AGTPBP1: variants seen among roughly 807,000 people sequenced by gnomAD.
AGTPBP1 encodes the protein ATP/GTP binding carboxypeptidase 1.
A neutral mutation model predicts 143.9 loss-of-function variants in AGTPBP1; 70 were observed. The ratio of observed to expected loss-of-function variants is 0.49; its 90% CI spans 0.40 to 0.59. The LOEUF (loss-of-function observed/expected upper bound fraction) is 0.59. AGTPBP1 is among the 20% of genes least tolerant of loss of function. AGTPBP1 has a pLI of 0.00. For synonymous variants in AGTPBP1, 463 were observed against 500.2 expected (o/e 0.93, Z 0.99); for missense variants, 1,229 against 1,464.5 (o/e 0.84, Z 2.62).
At chr9:85,590,879 A>G (rs1217583413) in intron 19 of AGTPBP1, among the ~76,000 whole-genome samples, 1 of 152,212 alleles carries the variant, frequency 6.6e-6, no homozygotes, top group Non-Finnish European at 1.5e-5. Context: ...ACACAGAATG[A>G]AGGGCCTGGT....
the AGTPBP1 span, among the ~76,000 whole-genome samples, chr9:85,785,389 T>C: frequency 1.3e-5 from 2 of 152,194 alleles, no homozygotes; most frequent in African/African-American, 4.8e-5. Flanking sequence ...ATACTAAGCA[T>C]GCATCAATAT....
At chr9:85,619,858 A>C (rs1320897502) in intron 15 of AGTPBP1, among the ~76,000 whole-genome samples, 7 of 152,082 alleles carry the variant, frequency 4.6e-5, no homozygotes, top group Non-Finnish European at 8.8e-5. Context: ...TCTGGAGCCT[A>C]CTCGCTAATA....
chr9:85,709,221 A>C (rs1256409482), intron 2 of AGTPBP1, among the ~76,000 whole-genome samples: 1 of 152,192 alleles, frequency 6.6e-6, no homozygotes, highest in Non-Finnish European at 1.5e-5. Context: ...AAAAGAGAAA[A>C]ACTTTGCAAC....
At chr9:85,644,948 C>T (rs950283541) in intron 12 of AGTPBP1, among the ~76,000 whole-genome samples, 2 of 152,056 alleles carry the variant, frequency 1.3e-5, no homozygotes, top group African/African-American at 4.8e-5. Context: ...TAAAGCTCAG[C>T]AGTCTCAAAA....
intron 3 of AGTPBP1, among the ~76,000 whole-genome samples, chr9:85,681,786 G>C (rs1420413980): frequency 9.1e-6 from 1 of 110,016 alleles, no homozygotes; most frequent in Non-Finnish European, 1.7e-5. Flanking sequence ...GTCTCATTCT[G>C]TCGCCCAGGC....
At position 85,633,312 on chromosome 9, in the gene AGTPBP1, A is replaced by G. The variant is rs1231158453; in HGVS notation, c.1365T>C (p.Pro455=). The part of the protein sequence containing the change: ...PFVFEGKVRG[P]IVVPTAGEET... Reference sequence around the variant, plus strand: ...CCTCGCCTGCCGTAGGAACAACAATAGGACCACGTACTTTTCCCTCAAATA... The same window carrying G: ...CCTCGCCTGCCGTAGGAACAACAATGGGACCACGTACTTTTCCCTCAAATA... Residue 455 remains proline (P), a synonymous_variant, in exon 14 of 26, where the codon CCT becomes CCC. Transcript: ENST00000357081. The G allele has an allele frequency of 6.2e-7, 1 of 1,611,624 alleles. No homozygotes were observed. Among genetic ancestry groups the G allele is most frequent in the South Asian group, 1.1e-5 (1 of 90,460 alleles).
At chr9:85,794,341 T>C in the AGTPBP1 span, among the ~76,000 whole-genome samples, 1 of 152,290 alleles carries the variant, frequency 6.6e-6, no homozygotes, top group Non-Finnish European at 1.5e-5. Context: ...TTTTTGTACA[T>C]GGTATGAGTT....
At chr9:85,741,732 G>C in intron 1 of AGTPBP1, 43 bp downstream of exon 1, 1 of 1,281,676 alleles carries the variant, frequency 7.8e-7, no homozygotes, top group Non-Finnish European at 9.9e-7. Flanking sequence ...GGAGAGCAGA[G>C]GGACGGCCGG....
At chr9:85,603,811 C>A (rs73475782) in intron 17 of AGTPBP1, among the ~76,000 whole-genome samples, 3,851 of 152,138 alleles carry the variant, frequency 0.025, 171 homozygotes, top group African/African-American at 0.088. Flanking sequence ...ACTGAAGAGA[C>A]CTTGTGCTTT....
intron 25 of AGTPBP1, among the ~76,000 whole-genome samples, chr9:85,556,120 T>C (rs986134226): frequency 6.6e-6 from 1 of 152,004 alleles, no homozygotes; most frequent in African/African-American, 2.4e-5. Context: ...TGCATATGTA[T>C]CGCTGAACCT....
chr9:85,698,679 CTTTTTTTTTTTTTTTTTT>C (rs34248388), intron 2 of AGTPBP1, among the ~76,000 whole-genome samples: 94 of 76,578 alleles, frequency 1.2e-3, no homozygotes, highest in Non-Finnish European at 1.9e-3. Flanking sequence ...CCACCTAACC[CTTTTTTTTTTTTTTTTTT>C]TTTTTTTTTT....
intron 1 of AGTPBP1, among the ~76,000 whole-genome samples, chr9:85,732,304 T>A (rs1285259992): frequency 7.1e-6 from 1 of 141,802 alleles, no homozygotes; most frequent in Non-Finnish European, 1.5e-5. Context: ...TAGCTCCACC[T>A]CCTGGGTTCC....
intron 2 of AGTPBP1, among the ~76,000 whole-genome samples, chr9:85,694,097 G>A (rs1488861832): frequency 6.6e-6 from 1 of 152,186 alleles, no homozygotes; most frequent in East Asian, 1.9e-4. Context: ...TTAGAGGCTT[G>A]TAGGCCATTT....
intron 14 of AGTPBP1, among the ~76,000 whole-genome samples, chr9:85,627,256 G>A (rs558328863): frequency 1.7e-4 from 26 of 151,972 alleles, no homozygotes; most frequent in Non-Finnish European, 2.5e-4. Flanking sequence ...ATTTATGTGC[G>A]CGCACACACA....
intron 2 of AGTPBP1, among the ~76,000 whole-genome samples, chr9:85,695,199 GGT>G (rs1695284644): frequency 6.6e-6 from 1 of 152,080 alleles, no homozygotes; most frequent in African/African-American, 2.4e-5. Flanking sequence ...TTTCCCCAAT[GGT>G]TACATTTCAC....
rs913646456 is a variant in AGTPBP1 at position 85,570,081 on chromosome 9, A to G, written c.3503+5234T>C. Among the ~76,000 whole-genome samples, 3 of 152,210 alleles carry G rather than the reference A, an allele frequency of 2.0e-5. No individual in the cohort carries two copies. The South Asian group carries it at 6.2e-4, about 32-fold the overall frequency. ...AACTGTGGACAGTAACAAACCCCATATATCTGTTTTTTTCCATATGATAAC... is the reference window on the plus strand; with the variant it reads ...AACTGTGGACAGTAACAAACCCCATGTATCTGTTTTTTTCCATATGATAAC... On this transcript the variant is annotated intron_variant, in intron 25 of 25. Coordinates refer to ENST00000357081, the MANE Select transcript of AGTPBP1 (RefSeq NM_001330701.2).
chr9:85,616,738 T>C (rs2133495744), intron 17 of AGTPBP1, among the ~76,000 whole-genome samples: 1 of 152,098 alleles, frequency 6.6e-6, no homozygotes, highest in East Asian at 1.9e-4. Flanking sequence ...TAATATACTT[T>C]GAATGAGTTT....
At chr9:85,673,609 G>A (rs887728589) in intron 6 of AGTPBP1, among the ~76,000 whole-genome samples, 1 of 152,048 alleles carries the variant, frequency 6.6e-6, no homozygotes, top group Middle Eastern at 3.4e-3. Context: ...TAAATAAGAA[G>A]AACTTAAGAA....
chr9:85,619,525 T>C (rs1451206554), intron 15 of AGTPBP1, among the ~76,000 whole-genome samples: 1 of 152,196 alleles, frequency 6.6e-6, no homozygotes, highest in Non-Finnish European at 1.5e-5. Flanking sequence ...TATACTGATA[T>C]AGTAAGAACT....
Sources: allele counts gnomAD v4.1 joint callset (sites outside exome capture counted in the v4.1 genomes callset), GRCh38; gene constraint gnomAD v4.1.1; transcripts MANE v1.5; gene names NCBI Gene and HGNC (gene_info 2026-07-23, HGNC 2026-07-21).